Variants in EIF2AK1 observed in about 807,000 individuals in gnomAD.
EIF2AK1 encodes eukaryotic translation initiation factor 2-alpha kinase 1.
EIF2AK1 carries 54 observed loss-of-function variants against 77.9 expected under a neutral mutation model. That is an observed-to-expected ratio of 0.69 (90% CI 0.56 to 0.87). The LOEUF is 0.87. EIF2AK1 is among the 40% of genes least tolerant of loss of function. EIF2AK1 has a pLI of 0.00. For synonymous variants in EIF2AK1, 314 were observed against 290.5 expected (o/e 1.08, Z -0.82); for missense variants, 810 against 768.6 (o/e 1.05, Z -0.64).
At position 6,026,795 on chromosome 7, in the gene EIF2AK1, C is replaced by T; in HGVS notation, c.1697G>A (p.Arg566Lys). ...QAKYIQHLTR[R>K]NSSQRPSAIQ... ...GGCAGATGGTCTCTGCGATGAGTTCCTTCTCGTTAAGTGCTGGATATACTT... is the reference window on the plus strand; with the variant it reads ...GGCAGATGGTCTCTGCGATGAGTTCTTTCTCGTTAAGTGCTGGATATACTT... The change falls in exon 14 of 15, where the codon AGG becomes AAG. Residue 566 changes from arginine to lysine, a missense_variant. Physicochemically the swap from Arg to Lys is conservative, Grantham distance 26 (BLOSUM62 2). Coordinates refer to ENST00000199389, the MANE Select transcript of EIF2AK1 (RefSeq NM_014413.4). 6.2e-7 allele frequency: 1 copy of T among 1,614,204 alleles called. No individual in the cohort carries two copies. Among genetic ancestry groups the T allele is most frequent in the Non-Finnish European group, 8.5e-7 (1 of 1,180,038 alleles).
In EIF2AK1 at chr7:6,035,978, T is replaced by G; in HGVS notation, c.1332+1446A>C. ...ACTACAAGGGCCAAACAGCCATCCA[T>G]GAGGCATGCTTTGGAGGCAGAGAGG... On this transcript the variant is annotated intron_variant, in intron 11 of 14. Coordinates refer to ENST00000199389, the MANE Select transcript of EIF2AK1 (RefSeq NM_014413.4). The surrounding 1 kb of genome is among the most constrained non-coding windows in gnomAD (Gnocchi z 5.5). The G allele has an allele frequency of 6.4e-7, 1 of 1,550,696 alleles. No homozygotes were observed. The highest frequency in any genetic ancestry group is 1.2e-5 in the South Asian group (1 of 84,016).
chr7:6,054,950 T>G (rs547888727), intron 1 of EIF2AK1, among the ~76,000 whole-genome samples: 1 of 152,268 alleles, frequency 6.6e-6, no homozygotes, highest in East Asian at 1.9e-4. Context: ...TTTTCTGATG[T>G]GTCCAATAGT....
Position 6,036,074 on chromosome 7 carries a change from T to C in EIF2AK1, c.1332+1350A>G. 1.3e-6 allele frequency: 2 copies of C among 1,550,942 alleles called. No individual in the cohort carries two copies. The highest frequency in any genetic ancestry group is 2.4e-5 in the South Asian group (2 of 84,048). On this transcript the variant is annotated intron_variant, in intron 11 of 14. Coordinates refer to ENST00000199389, the MANE Select transcript of EIF2AK1 (RefSeq NM_014413.4). The surrounding 1 kb of genome is among the most constrained non-coding windows in gnomAD (Gnocchi z 4.6). ...TAACAAGAAACGGGGAATCTCCAAT[T>C]TATATGTACCTTCAGCGCAGTTGCA...
chr7:6,051,940 A>C (rs1465671832), intron 2 of EIF2AK1, among the ~76,000 whole-genome samples: 1 of 152,064 alleles, frequency 6.6e-6, no homozygotes, highest in African/African-American at 2.4e-5. Flanking sequence ...TGGGAGGCCA[A>C]GGCCAGTGGA....
intron 2 of EIF2AK1, among the ~76,000 whole-genome samples, chr7:6,053,765 T>G (rs1457126215): frequency 6.6e-6 from 1 of 151,226 alleles, no homozygotes. Context: ...CCACCCGGGT[T>G]CAAGCAATTC....
Position 6,028,664 on chromosome 7 carries a change from C to T in EIF2AK1, c.1481G>A (p.Cys494Tyr). The T allele has an allele frequency of 1.2e-6, 2 of 1,614,238 alleles. No individual in the cohort carries two copies. Among genetic ancestry groups the T allele is most frequent in the Non-Finnish European group, 1.7e-6 (2 of 1,180,036 alleles). ...CAACTGTTCGGGTGAAGCGTACAGA[C>T]AAGTACCCACTCTGGACGTATGTGT... ...TPTHTSRVGT[C>Y]LYASPEQLEG... is the part of the protein sequence containing the mutation. Residue 494 changes from cysteine to tyrosine, a missense_variant, in exon 13 of 15, where the codon TGT becomes TAT. Around this residue, in one of 3 missense-constraint regions of EIF2AK1, gnomAD observed 549 missense variants for 533.7 expected, o/e 1.03. Coordinates refer to ENST00000199389, the MANE Select transcript of EIF2AK1 (RefSeq NM_014413.4).
chr7:6,045,752 T>A (rs1043104962), intron 6 of EIF2AK1, among the ~76,000 whole-genome samples: 6 of 148,440 alleles, frequency 4.0e-5, no homozygotes, highest in African/African-American at 4.9e-5. Flanking sequence ...TATATATATA[T>A]AAATTAGCCA....
intron 14 of EIF2AK1, among the ~76,000 whole-genome samples, chr7:6,025,168 C>T (rs17136307): frequency 0.35 from 52,849 of 151,842 alleles, 10,142 homozygotes; most frequent in Middle Eastern, 0.47. Flanking sequence ...AAAACTTTTG[C>T]AAGATAGTAG....
At chr7:6,057,068 G>A (rs1788795412) in intron 1 of EIF2AK1, among the ~76,000 whole-genome samples, 1 of 151,450 alleles carries the variant, frequency 6.6e-6, no homozygotes, top group African/African-American at 2.4e-5. Flanking sequence ...TGAGGCAGGA[G>A]GATCCGTTGA....
At position 6,024,028 on chromosome 7, in the gene EIF2AK1, G is replaced by A. The variant is rs1417648001; in HGVS notation, c.*645C>T. On this transcript the variant is annotated 3_prime_UTR_variant, in exon 15 of 15. Transcript: ENST00000199389. ...TACCGGGGAACAGTGCAGGGCAAAG[G>A]CAGGAAAGAGATCTGAGCTGCCTGG... 1.5e-6 allele frequency: 2 copies of A among 1,320,202 alleles called. No homozygotes were observed. The highest frequency in any genetic ancestry group is 2.3e-5 in the Admixed American group (1 of 44,332). The allele number at this position is 1,320,202 out of a possible 1,614,324, so 81.8% of individuals were successfully genotyped here.
In EIF2AK1 at chr7:6,059,054, C is replaced by T. The variant is rs112759781; in HGVS notation, c.30G>A (p.Lys10=). 0.014 allele frequency: 21,603 copies of T among 1,493,368 alleles called. 213 individuals carry two copies. Among genetic ancestry groups the T allele is most frequent in the South Asian group, 0.023 (1,766 of 78,048 alleles). 92.5% of individuals were successfully genotyped at this position (1,493,368 alleles called of 1,614,324 possible). The change falls in exon 1 of 15, where the codon AAG becomes AAA. Residue 10 remains lysine, a synonymous_variant. Transcript: ENST00000199389. ...CAGCCCCGTCGCCCTCCTCTTCGCGCTTGCGGACCCCGGAGTTGCCCCCCT... is the reference window on the plus strand; with the variant it reads ...CAGCCCCGTCGCCCTCCTCTTCGCGTTTGCGGACCCCGGAGTTGCCCCCCT... The part of the protein sequence containing the change: MQGGNSGVR[K]REEEGDGAGA...
At chr7:6,038,770 G>A (rs922103552) in intron 9 of EIF2AK1, 99 bp from the exon 10 acceptor site, 3 of 996,840 alleles carry the variant, frequency 3.0e-6, no homozygotes, top group Non-Finnish European at 4.4e-6. Flanking sequence ...GGCCAAGAGA[G>A]TAGGCCTCTA....
At chr7:6,049,349 C>T (rs1389633012) in intron 3 of EIF2AK1, among the ~76,000 whole-genome samples, 1 of 152,174 alleles carries the variant, frequency 6.6e-6, no homozygotes, top group Non-Finnish European at 1.5e-5. Flanking sequence ...CGAGACCAGC[C>T]TGGCCAACAT....
rs1466315276 is a variant in EIF2AK1 at position 6,023,479 on chromosome 7, G to C, written c.*1194C>G. ...TCAGTTAAAAGAGGGAAGCAGTAAA[G>C]AAAAAGCCGCTGTTTTCCGCTCCAT... On this transcript the variant is annotated 3_prime_UTR_variant, in exon 15 of 15. Coordinates refer to ENST00000199389, the MANE Select transcript of EIF2AK1 (RefSeq NM_014413.4). 2.5e-6 allele frequency: 4 copies of C among 1,614,018 alleles called. No individual in the cohort carries two copies. Among genetic ancestry groups the C allele is most frequent in the Non-Finnish European group, 2.5e-6 (3 of 1,179,978 alleles).
Position 6,026,767 on chromosome 7 carries a change from A to T in EIF2AK1, c.1725T>A (p.Ile575=). Residue 575 remains isoleucine, a synonymous_variant, in exon 14 of 15, where the codon ATT becomes ATA. Transcript: ENST00000199389. ...RRNSSQRPSA[I]QLLQSELFQN... Reference sequence around the variant, plus strand: ...GGAAAAGTTCACTCTGCAGCAGCTGAATGGCAGATGGTCTCTGCGATGAGT... The same window carrying T: ...GGAAAAGTTCACTCTGCAGCAGCTGTATGGCAGATGGTCTCTGCGATGAGT... 3.1e-6 allele frequency: 5 copies of T among 1,614,172 alleles called. No individual in the cohort carries two copies. Among genetic ancestry groups the T allele is most frequent in the Non-Finnish European group, 3.4e-6 (4 of 1,180,022 alleles).
rs775470778 is a variant in EIF2AK1, at chr7:6,036,224, C to A, written c.1332+1200G>T. 2 of 1,550,000 alleles carry A rather than the reference C, an allele frequency of 1.3e-6. No homozygotes were observed. Among genetic ancestry groups the A allele is most frequent in the East Asian group, 2.4e-5 (1 of 40,910 alleles). Reference sequence around the variant, plus strand: ...CAGAATTCCGCCTCTTAAGGGACACCCTAATAAAGCAATCGCAAAAACCTT... The same window carrying A: ...CAGAATTCCGCCTCTTAAGGGACACACTAATAAAGCAATCGCAAAAACCTT... On this transcript the variant is annotated intron_variant, in intron 11 of 14. Coordinates refer to ENST00000199389, the MANE Select transcript of EIF2AK1 (RefSeq NM_014413.4). The surrounding 1 kb of genome is among the most constrained non-coding windows in gnomAD (Gnocchi z 4.6).
At chr7:6,056,058 C>T (rs1053584658) in intron 1 of EIF2AK1, among the ~76,000 whole-genome samples, 6 of 149,706 alleles carry the variant, frequency 4.0e-5, no homozygotes, top group Non-Finnish European at 7.4e-5. Flanking sequence ...TTAGAGAGGC[C>T]GAGGCAAGCA....
intron 5 of EIF2AK1, 116 bp from the exon 6 acceptor site, chr7:6,046,267 TA>T: frequency 1.9e-6 from 1 of 516,058 alleles, no homozygotes. Context: ...AAAATATAGC[TA>T]AAGACATGTC....
chr7:6,029,164 C>T (rs1170510138), intron 11 of EIF2AK1, 132 bp from the exon 12 acceptor site: 3 of 731,130 alleles, frequency 4.1e-6, no homozygotes, highest in Non-Finnish European at 6.7e-6. Context: ...GGAATAGTTC[C>T]CAAATTTGCC....
Sources: allele counts gnomAD v4.1 joint callset (sites outside exome capture counted in the v4.1 genomes callset), GRCh38; gene constraint gnomAD v4.1.1; regional missense constraint gnomAD v4.1.1; non-coding constraint Gnocchi (gnomAD v3.1); transcripts MANE v1.5; gene names NCBI Gene and HGNC (gene_info 2026-07-23, HGNC 2026-07-21).